HIPK2: variants seen among roughly 807,000 people sequenced by gnomAD.
The protein encoded by HIPK2 is homeodomain interacting protein kinase 2.
A neutral mutation model predicts 113.7 loss-of-function variants in HIPK2; 27 were observed. The ratio of observed to expected loss-of-function variants is 0.24; its 90% CI spans 0.17 to 0.33. HIPK2 has a LOEUF of 0.33. HIPK2 is among the 10% of genes least tolerant of loss of function. The pLI, the probability that HIPK2 is intolerant of heterozygous loss-of-function variation, is 1.00. For synonymous variants in HIPK2, 631 were observed against 642.2 expected (o/e 0.98, Z 0.26); for missense variants, 1,257 against 1,588.0 (o/e 0.79, Z 3.54).
chr7:139,745,772 A>G (rs1796180096), intron 1 of HIPK2, among the ~76,000 whole-genome samples: 1 of 151,354 alleles, frequency 6.6e-6, no homozygotes, highest in South Asian at 2.1e-4. Context: ...CTCTGCCTCC[A>G]CTTGCCGGCT....
intron 2 of HIPK2, among the ~76,000 whole-genome samples, chr7:139,678,536 T>C (rs1261525423): frequency 6.6e-6 from 1 of 152,260 alleles, no homozygotes; most frequent in Non-Finnish European, 1.5e-5. Context: ...TTGGTCTATA[T>C]AACTGTTTTG....
intron 2 of HIPK2, among the ~76,000 whole-genome samples, chr7:139,706,640 T>C (rs986389148): frequency 2.0e-5 from 3 of 152,182 alleles, no homozygotes; most frequent in Admixed American, 6.5e-5. Context: ...GCCCCTCCCC[T>C]GCTCTGGAAT....
Position 139,730,837 on chromosome 7 carries a change from T to C in HIPK2, c.20-13822A>G, listed in dbSNP as rs554589900. On this transcript the variant is annotated intron_variant, in intron 1 of 14. Transcript: ENST00000406875. ...AAGGTGAGCCGTAATCCCATATGAC[T>C]GGTGTCCTTGTAAGAGGAGACACAG... Among the ~76,000 whole-genome samples the C allele has an allele frequency of 1.7e-4, 26 of 152,342 alleles. No homozygotes were observed. In the South Asian group the frequency reaches 5.4e-3, roughly 32 times the overall value.
At chr7:139,768,241 G>T (rs1024131160) in intron 1 of HIPK2, among the ~76,000 whole-genome samples, 1 of 152,192 alleles carries the variant, frequency 6.6e-6, no homozygotes, top group Non-Finnish European at 1.5e-5. Context: ...TCTTATAACC[G>T]TGAAAGTCTG....
intron 2 of HIPK2, among the ~76,000 whole-genome samples, chr7:139,694,052 CT>C (rs1794493999): frequency 6.6e-6 from 1 of 152,136 alleles, no homozygotes; most frequent in Admixed American, 6.5e-5. Context: ...CAGAAATATA[CT>C]TTTTTTCCTA....
chr7:139,692,337 A>G (rs1218503668), intron 2 of HIPK2, among the ~76,000 whole-genome samples: 1 of 152,240 alleles, frequency 6.6e-6, no homozygotes, highest in Non-Finnish European at 1.5e-5. Flanking sequence ...AAATCTGTGC[A>G]TTAAGCTCAT....
rs1430015352 is a variant in HIPK2 at position 139,683,791 on chromosome 7, C to T, written c.1103+32141G>A. ...ATAGATTCATTATTCTGTATTACAC[C>T]AACAGTTAGGTCTTACTCACTCTCC... On this transcript the variant is annotated intron_variant, in intron 2 of 14. Coordinates refer to ENST00000406875, the MANE Select transcript of HIPK2 (RefSeq NM_022740.5). The surrounding 1 kb of genome is among the most constrained non-coding windows in gnomAD (Gnocchi z 4.2). Among the ~76,000 whole-genome samples the T allele has an allele frequency of 6.6e-6, 1 of 152,050 alleles. No homozygotes were observed. The highest frequency in any genetic ancestry group is 1.5e-5 in the Non-Finnish European group (1 of 68,000).
chr7:139,697,930 C>T (rs1160289923), intron 2 of HIPK2, among the ~76,000 whole-genome samples: 3 of 147,640 alleles, frequency 2.0e-5, no homozygotes. Context: ...AGTGCATTGG[C>T]ACGATCTTGG....
At chr7:139,666,262 G>A (rs1412643951) in intron 2 of HIPK2, among the ~76,000 whole-genome samples, 1 of 152,178 alleles carries the variant, frequency 6.6e-6, no homozygotes. Context: ...TTTAAAATGA[G>A]GGAGGAATGT....
intron 6 of HIPK2, among the ~76,000 whole-genome samples, chr7:139,625,810 C>T (rs73481767): frequency 0.015 from 2,317 of 152,264 alleles, 50 homozygotes; most frequent in African/African-American, 0.051. Context: ...TGGGCAGGGC[C>T]GTCTGCTCTG....
In HIPK2 at chr7:139,631,125, G is replaced by T. The variant is rs769070947; in HGVS notation, c.1347+40C>A. ...GGGTCTACGGCCCTCTTCCCTAAGC[G>T]CTGGGCCACTGTGAGGAGTGGAGGA... On this transcript the variant is annotated intron_variant, in intron 4 of 14. Coordinates refer to ENST00000406875, the MANE Select transcript of HIPK2 (RefSeq NM_022740.5). This position sits in a 1 kb window ranked among gnomAD's most constrained non-coding sequence, Gnocchi z 4.9. 1 of 1,581,624 alleles carries T rather than the reference G, an allele frequency of 6.3e-7. No individual in the cohort carries two copies. Among genetic ancestry groups the T allele is most frequent in the Non-Finnish European group, 8.6e-7 (1 of 1,163,222 alleles).
At chr7:139,731,148 A>G (rs1174327921) in intron 1 of HIPK2, among the ~76,000 whole-genome samples, 5 of 152,244 alleles carry the variant, frequency 3.3e-5, no homozygotes, top group Admixed American at 6.5e-5. Flanking sequence ...GATGTATTTC[A>G]TTGAAAAGGC....
chr7:139,627,413 T>G (rs149457258), intron 5 of HIPK2, among the ~76,000 whole-genome samples: 1,577 of 152,306 alleles, frequency 0.01, 15 homozygotes, highest in Non-Finnish European at 0.017. Context: ...ATCATCCTTC[T>G]CATGGGTTCC....
At chr7:139,618,760 C>T (rs1190205027) in intron 7 of HIPK2, among the ~76,000 whole-genome samples, 26 of 152,146 alleles carry the variant, frequency 1.7e-4, no homozygotes. Flanking sequence ...TGACATGACG[C>T]CTGCATTGGA....
At chr7:139,581,466 T>C (rs1486928078) in intron 13 of HIPK2, among the ~76,000 whole-genome samples, 1 of 152,190 alleles carries the variant, frequency 6.6e-6, no homozygotes, top group Non-Finnish European at 1.5e-5. Context: ...TAAGCCAGTG[T>C]AGAGTTCATT....
intron 2 of HIPK2, among the ~76,000 whole-genome samples, chr7:139,665,041 T>C (rs12670959): frequency 2.0e-3 from 189 of 95,650 alleles, no homozygotes; most frequent in African/African-American, 4.6e-3. Context: ...TTCTCTCTCT[T>C]TTTTTTTTTT....
At chr7:139,588,038 CTGGGTGCAG>C (rs1798895133) in intron 12 of HIPK2, among the ~76,000 whole-genome samples, 2 of 151,960 alleles carry the variant, frequency 1.3e-5, no homozygotes, top group Non-Finnish European at 2.9e-5. Flanking sequence ...AAGAAATCTG[CTGGGTGCAG>C]TGGCTCACAC....
chr7:139,627,424 C>T lies in HIPK2; in HGVS notation c.1435-639G>A, dbSNP rs572612441. 5.0e-4 allele frequency among the ~76,000 whole-genome samples: 76 copies of T among 152,172 alleles called. 1 individual carries two copies. Among genetic ancestry groups the T allele is most frequent in the African/African-American group, 1.5e-3 (63 of 41,516 alleles). Reference sequence around the variant, plus strand: ...GCATATCATCCTTCTCATGGGTTCCCCAGTTAGGGCCAGAATTATTTTAGT... The same window carrying T: ...GCATATCATCCTTCTCATGGGTTCCTCAGTTAGGGCCAGAATTATTTTAGT... On this transcript the variant is annotated intron_variant, in intron 5 of 14. Transcript: ENST00000406875.
chr7:139,590,991 C>T (rs1395271900), intron 12 of HIPK2, among the ~76,000 whole-genome samples: 2 of 152,104 alleles, frequency 1.3e-5, no homozygotes, highest in Non-Finnish European at 2.9e-5. Context: ...ACTACAGGCA[C>T]GTACCACTGT....
Sources: allele counts gnomAD v4.1 joint callset (sites outside exome capture counted in the v4.1 genomes callset), GRCh38; gene constraint gnomAD v4.1.1; non-coding constraint Gnocchi (gnomAD v3.1); transcripts MANE v1.5; gene names NCBI Gene and HGNC (gene_info 2026-07-23, HGNC 2026-07-21).